The following ARHGEF11 variants were observed in gnomAD, a reference collection of about 807,000 sequenced individuals.
ARHGEF11 encodes Rho guanine nucleotide exchange factor 11.
ARHGEF11 carries 55 observed loss-of-function variants against 193.7 expected under a neutral mutation model. The observed-to-expected ratio is 0.28, with a 90% confidence interval of 0.23 to 0.36. The LOEUF is 0.36. Among genes scored for constraint, ARHGEF11 ranks in the 10% least tolerant of loss-of-function variants. ARHGEF11 has a pLI of 1.00. For synonymous variants in ARHGEF11, 693 were observed against 768.0 expected (o/e 0.90, Z 1.62); for missense variants, 1,723 against 2,005.6 (o/e 0.86, Z 2.69).
At chr1:156,943,914 C>G (rs1188777479) in intron 32 of ARHGEF11, 21 bp downstream of exon 32, 2 of 1,601,546 alleles carry the variant, frequency 1.2e-6, no homozygotes, top group African/African-American at 2.7e-5. Context: ...CCAGGCCAGC[C>G]TGGACCATCT....
At chr1:157,016,660 AT>A in intron 1 of ARHGEF11, among the ~76,000 whole-genome samples, 1 of 152,238 alleles carries the variant, frequency 6.6e-6, no homozygotes, top group Non-Finnish European at 1.5e-5. Context: ...AAATTTACAG[AT>A]AAAATGTCTG....
chr1:156,959,932 TCCCCC>T (rs372767382), intron 15 of ARHGEF11, among the ~76,000 whole-genome samples: 2 of 71,128 alleles, frequency 2.8e-5, no homozygotes, highest in East Asian at 8.4e-4. Flanking sequence ...TAACCCCCCC[TCCCCC>T]CCCCCCAAAA....
At chr1:156,979,361 C>CTTTTTTTTTTTTTTT (rs36031299) in intron 4 of ARHGEF11, 75 bp from the exon 5 acceptor site, 1 of 443,598 alleles carries the variant, frequency 2.3e-6, no homozygotes, top group African/African-American at 3.2e-5. Context: ...CAAAATGCCA[C>CTTTTTTTTTTTTTTT]TTTTTTTTTT....
chr1:156,978,387 A>T lies in ARHGEF11; in HGVS notation c.332-5T>A, dbSNP rs1663573961. ...TGAGTGCGACATAGGCGCCAGCTAG[A>T]GGGAAACAGAGAGAGACTTGTTCCA... On this transcript the variant is annotated splice_region_variant and splice_polypyrimidine_tract_variant and intron_variant, in intron 5 of 40. Coordinates refer to ENST00000368194, the MANE Select transcript of ARHGEF11 (RefSeq NM_198236.3). 2 of 1,583,480 alleles carry T rather than the reference A, an allele frequency of 1.3e-6. No individual in the cohort carries two copies. The highest frequency in any genetic ancestry group is 1.7e-6 in the Non-Finnish European group (2 of 1,165,792).
In ARHGEF11 at chr1:156,980,312, C is replaced by A. The variant is rs369263319; in HGVS notation, c.273+125G>T. On this transcript the variant is annotated intron_variant, in intron 4 of 40. Transcript: ENST00000368194. ...CTGTGCTCCCTCGTATGGTACCACT[C>A]CTAACTCAGTGGCTGCCTGGCAGTT... 8 of 1,138,948 alleles carry A rather than the reference C, an allele frequency of 7.0e-6. No homozygotes were observed. In the African/African-American group the frequency reaches 1.1e-4, roughly 15 times the overall value. The allele number at this position is 1,138,948 out of a possible 1,614,324, so 70.6% of individuals were successfully genotyped here.
chr1:156,945,459 T>C (rs563233646), intron 29 of ARHGEF11: 1 of 496,116 alleles, frequency 2.0e-6, no homozygotes, highest in Non-Finnish European at 3.6e-6. Context: ...CAACCAGCTC[T>C]ACAGATGCAA....
At chr1:156,965,959 A>G (rs980702740) in intron 11 of ARHGEF11, among the ~76,000 whole-genome samples, 11 of 152,198 alleles carry the variant, frequency 7.2e-5, no homozygotes, top group Non-Finnish European at 7.4e-5. Flanking sequence ...TTCACTACAC[A>G]TTATGAAGGT....
At chr1:156,973,160 C>T (rs1447556079) in intron 7 of ARHGEF11, among the ~76,000 whole-genome samples, 5 of 152,112 alleles carry the variant, frequency 3.3e-5, no homozygotes, top group African/African-American at 1.2e-4. Flanking sequence ...AACTCTTGGC[C>T]TCAAGTGATC....
intron 14 of ARHGEF11, among the ~76,000 whole-genome samples, chr1:156,961,048 A>G (rs926758209): frequency 6.6e-6 from 1 of 152,240 alleles, no homozygotes; most frequent in Non-Finnish European, 1.5e-5. Flanking sequence ...CAACCTCATT[A>G]ACCCTACTAG....
At chr1:156,965,509 G>T (rs1661568626) in intron 11 of ARHGEF11, among the ~76,000 whole-genome samples, 1 of 152,150 alleles carries the variant, frequency 6.6e-6, no homozygotes, top group Admixed American at 6.5e-5. Context: ...AATTACTTGA[G>T]ATTTTTTGGT....
rs768409391 is a variant in ARHGEF11 at position 156,935,905 on chromosome 1, G to A, written c.*95C>T. ...GTTTCCCTAACTGCCTCCTCCACAG[G>A]GAGGAGTGTTGGGATCCCCCCTACC... On this transcript the variant is annotated 3_prime_UTR_variant, in exon 41 of 41. Transcript: ENST00000368194. 2.5e-5 allele frequency: 35 copies of A among 1,383,992 alleles called. No individual in the cohort carries two copies. The highest frequency in any genetic ancestry group is 3.5e-5 in the Non-Finnish European group (35 of 1,014,026). The allele number at this position is 1,383,992 out of a possible 1,614,324, so 85.7% of individuals were successfully genotyped here.
intron 29 of ARHGEF11, chr1:156,945,680 T>C: frequency 3.9e-6 from 1 of 255,826 alleles, no homozygotes; most frequent in South Asian, 5.9e-5. Flanking sequence ...CCACATAGGC[T>C]GTGTCTTTTG....
intron 1 of ARHGEF11, among the ~76,000 whole-genome samples, chr1:157,029,026 G>T (rs188467446): frequency 2.0e-5 from 3 of 152,088 alleles, no homozygotes; most frequent in Non-Finnish European, 4.4e-5. Flanking sequence ...AACTAGCCAG[G>T]CGTGGTGGCA....
At chr1:157,045,867 C>T (rs1384562408), upstream of ARHGEF11, among the ~76,000 whole-genome samples, 1 of 151,124 alleles carries the variant, frequency 6.6e-6, no homozygotes, top group Non-Finnish European at 1.5e-5. Context: ...CTTTCTCCTT[C>T]CCTCGCTCCC....
At chr1:156,992,428 T>C (rs1571397108) in intron 1 of ARHGEF11, among the ~76,000 whole-genome samples, 1 of 152,298 alleles carries the variant, frequency 6.6e-6, no homozygotes, top group South Asian at 2.1e-4. Flanking sequence ...CTTCCCGGTA[T>C]GCCTGAGTGC....
At chr1:156,986,013 G>T in intron 2 of ARHGEF11, 69 bp downstream of exon 2, 1 of 1,340,358 alleles carries the variant, frequency 7.5e-7, no homozygotes, top group African/African-American at 1.4e-5. Context: ...GGCCTCCCAA[G>T]TAGCTGGGAA....
At chr1:156,971,663 G>A in intron 8 of ARHGEF11, 34 bp downstream of exon 8, 3 of 1,601,002 alleles carry the variant, frequency 1.9e-6, no homozygotes, top group Non-Finnish European at 2.6e-6. Context: ...TCTACTGCAT[G>A]TGCCCTTACT....
chr1:157,007,755 G>A (rs1286028733), intron 1 of ARHGEF11, among the ~76,000 whole-genome samples: 1 of 152,002 alleles, frequency 6.6e-6, no homozygotes, highest in African/African-American at 2.4e-5. Flanking sequence ...TTCTCTGACC[G>A]CCTTATCTAA....
At chr1:156,940,160 G>A (rs780761122) in intron 36 of ARHGEF11, 47 bp downstream of exon 36, 3 of 1,525,522 alleles carry the variant, frequency 2.0e-6, no homozygotes, top group Non-Finnish European at 1.8e-6. Flanking sequence ...CACACTGGGT[G>A]TGCGACTGGG....
Sources: gnomAD v4.1 joint callset for allele counts (sites outside exome capture counted in the v4.1 genomes callset) on GRCh38, gnomAD v4.1.1 for gene constraint, MANE v1.5 for transcripts, NCBI Gene and HGNC (gene_info 2026-07-23, HGNC 2026-07-21) for gene names.